Variants in OR7C1 observed in about 807,000 individuals in gnomAD.
The protein encoded by OR7C1 is olfactory receptor family 7 subfamily C member 1, also known as olfactory receptor 7C1.
For missense variants in OR7C1, 324 were observed against 383.3 expected (o/e 0.85, Z 1.29); for synonymous variants, 152 against 160.7 (o/e 0.95, Z 0.41).
intron 2 of OR7C1, among the ~76,000 whole-genome samples, chr19:14,803,577 T>C (rs1599912446): frequency 1.3e-5 from 2 of 152,102 alleles, no homozygotes; most frequent in East Asian, 3.8e-4. Context: ...AGCTTGATTA[T>C]CTATATCTGC....
chr19:14,803,322 A>G (rs1027565848), intron 2 of OR7C1, among the ~76,000 whole-genome samples: 6 of 151,404 alleles, frequency 4.0e-5, no homozygotes, highest in South Asian at 2.1e-4. Flanking sequence ...AAAAAAAAAA[A>G]AAAAGAAAAG....
At chr19:14,827,303 T>C (rs1159294088) in intron 1 of OR7C1, 4 of 1,553,006 alleles carry the variant, frequency 2.6e-6, no homozygotes, top group African/African-American at 1.4e-5. Context: ...TCTTGAAAAA[T>C]TGCCCTTTCA....
At chr19:14,820,798 G>A (rs2044737524) in intron 1 of OR7C1, among the ~76,000 whole-genome samples, 1 of 152,186 alleles carries the variant, frequency 6.6e-6, no homozygotes, top group African/African-American at 2.4e-5. Flanking sequence ...GTATGGTCTG[G>A]GGAGGTCTTT....
At chr19:14,799,112 T>C (rs1314627748) in exon 5 of OR7C1, 1 of 1,520,964 alleles carries the variant, frequency 6.6e-7, no homozygotes, top group Non-Finnish European at 8.8e-7. Flanking sequence ...AGAGAATACA[T>C]TGATGTTTGG....
chr19:14,806,270 C>T (rs1407120980), intron 2 of OR7C1, among the ~76,000 whole-genome samples: 1 of 151,924 alleles, frequency 6.6e-6, no homozygotes, highest in African/African-American at 2.4e-5. Context: ...TTTTGGATTC[C>T]TTCAAGGGAA....
chr19:14,821,861 G>A (rs917847199), intron 1 of OR7C1, among the ~76,000 whole-genome samples: 1 of 152,148 alleles, frequency 6.6e-6, no homozygotes, highest in African/African-American at 2.4e-5. Context: ...CAATTGCTGG[G>A]ACAACACAAA....
At chr19:14,799,238 G>A (rs773892938) in exon 5 of OR7C1, 15 of 1,614,108 alleles carry the variant, frequency 9.3e-6, no homozygotes, top group Admixed American at 1.7e-5. Flanking sequence ...TCTCCCCAGG[G>A]CCCTCTTCAT....
chr19:14,834,614 G>T (rs138161749), intron 1 of OR7C1, among the ~76,000 whole-genome samples: 2 of 152,258 alleles, frequency 1.3e-5, no homozygotes, highest in East Asian at 3.9e-4. Context: ...GTTGCAAAAT[G>T]GTATTTGCAA....
At chr19:14,818,548 ATAGT>A (rs1443938730) in intron 1 of OR7C1, among the ~76,000 whole-genome samples, 1 of 152,172 alleles carries the variant, frequency 6.6e-6, no homozygotes, top group African/African-American at 2.4e-5. Context: ...GGTTTGTTAG[ATAGT>A]TCCTGTTTCT....
intron 1 of OR7C1, among the ~76,000 whole-genome samples, chr19:14,832,181 A>C (rs1357572437): frequency 6.6e-6 from 1 of 152,186 alleles, no homozygotes; most frequent in African/African-American, 2.4e-5. Context: ...AAGTGCTGGA[A>C]TTATAGGCAT....
chr19:14,804,266 C>T (rs2044656072), intron 2 of OR7C1, among the ~76,000 whole-genome samples: 1 of 152,110 alleles, frequency 6.6e-6, no homozygotes, highest in Non-Finnish European at 1.5e-5. Flanking sequence ...GTTTTGGGCT[C>T]CACTGTTTAA....
chr19:14,830,631 G>A (rs557416595), intron 1 of OR7C1, among the ~76,000 whole-genome samples: 17 of 152,232 alleles, frequency 1.1e-4, no homozygotes, highest in African/African-American at 3.9e-4. Flanking sequence ...TTTAACAATA[G>A]TATTTAATTA....
chr19:14,800,861 C>G (rs547118465), intron 2 of OR7C1, 97 bp from the exon 3 acceptor site: 7 of 152,354 alleles, frequency 4.6e-5, no homozygotes, highest in African/African-American at 1.7e-4. Flanking sequence ...ATCTGTGAGC[C>G]TGATGTAAAT....
At chr19:14,817,067 T>C (rs1195453877) in intron 1 of OR7C1, among the ~76,000 whole-genome samples, 7 of 152,060 alleles carry the variant, frequency 4.6e-5, no homozygotes, top group Admixed American at 4.6e-4. Flanking sequence ...AAAAAATGTC[T>C]AACAAACCCA....
intron 1 of OR7C1, among the ~76,000 whole-genome samples, chr19:14,823,322 T>C (rs559640636): frequency 6.6e-6 from 1 of 152,078 alleles, no homozygotes; most frequent in East Asian, 1.9e-4. Context: ...CGTGGTGGCA[T>C]GTGCCTGTAA....
chr19:14,802,623 T>C (rs1278308266), intron 2 of OR7C1, among the ~76,000 whole-genome samples: 1 of 152,218 alleles, frequency 6.6e-6, no homozygotes, highest in East Asian at 1.9e-4. Context: ...AAGGAGATTG[T>C]TGAAAACATT....
At chr19:14,821,827 C>T (rs2044742390) in intron 1 of OR7C1, among the ~76,000 whole-genome samples, 1 of 152,224 alleles carries the variant, frequency 6.6e-6, no homozygotes, top group South Asian at 2.1e-4. Context: ...TAGCATCTCC[C>T]TGTATCTTTT....
rs192650587 is a variant in OR7C1 at position 14,828,480 on chromosome 19, G to T, written c.-623+6594C>A. Among the ~76,000 whole-genome samples the T allele has an allele frequency of 9.0e-4, 137 of 152,116 alleles. 1 individual carries two copies. The highest frequency in any genetic ancestry group is 1.7e-3 in the Non-Finnish European group (118 of 67,984). ...TCTGCAGTTAGAATAAGAACTTCTG[G>T]CTGGGCACGGTGGCTTATGCCTGTA... On this transcript the variant is annotated intron_variant, in intron 1 of 4. Transcript: ENST00000641666.
chr19:14,831,476 G>T (rs10417499), intron 1 of OR7C1, among the ~76,000 whole-genome samples: 43,209 of 151,524 alleles, frequency 0.29, 6,741 homozygotes, highest in East Asian at 0.56. Flanking sequence ...ACAGAGTCTC[G>T]CTCTGTCGCC....
Sources: allele counts gnomAD v4.1 joint callset (sites outside exome capture counted in the v4.1 genomes callset), GRCh38; gene constraint gnomAD v4.1.1; transcripts MANE v1.5; gene names NCBI Gene and HGNC (gene_info 2026-07-23, HGNC 2026-07-21).